Variants in HCN1 observed in about 807,000 individuals in gnomAD.
HCN1 encodes the protein hyperpolarization activated cyclic nucleotide gated potassium channel 1, also known as potassium/sodium hyperpolarization-activated cyclic nucleotide-gated channel 1.
HCN1 carries 13 observed loss-of-function variants against 78.9 expected under a neutral mutation model. That is an observed-to-expected ratio of 0.16 (90% CI 0.11 to 0.26). HCN1 has a LOEUF of 0.26. Ranked by LOEUF, HCN1 falls within the 10% of genes least tolerant of loss-of-function variation. HCN1 has a pLI of 1.00. For synonymous variants in HCN1, 552 were observed against 455.5 expected (o/e 1.21, Z -2.70); for missense variants, 810 against 1,154.3 (o/e 0.70, Z 4.32).
chr5:45,424,167 CCTGTAGTCCCAGCTACT>C (rs1740290808), intron 3 of HCN1, among the ~76,000 whole-genome samples: 3 of 150,472 alleles, frequency 2.0e-5, no homozygotes, highest in Non-Finnish European at 3.0e-5. Flanking sequence ...GTGGCGGGCA[CCTGTAGTCCCAGCTACT>C]CAGGAGGCTG....
intron 4 of HCN1, among the ~76,000 whole-genome samples, chr5:45,374,013 T>C (rs1390252576): frequency 8.8e-6 from 1 of 113,030 alleles, no homozygotes; most frequent in African/African-American, 3.7e-5. Flanking sequence ...ATATACATAA[T>C]ATATATTATA....
At chr5:45,466,893 C>G (rs1741281113) in intron 2 of HCN1, among the ~76,000 whole-genome samples, 1 of 152,002 alleles carries the variant, frequency 6.6e-6, no homozygotes, top group Non-Finnish European at 1.5e-5. Context: ...TGAATCTTAT[C>G]AGTCCCCTTT....
intron 1 of HCN1, among the ~76,000 whole-genome samples, chr5:45,653,675 A>C (rs1177421373): frequency 1.3e-5 from 2 of 152,108 alleles, no homozygotes; most frequent in Non-Finnish European, 2.9e-5. Context: ...AGCATTACAC[A>C]ATTCTAGTTA....
intron 4 of HCN1, among the ~76,000 whole-genome samples, chr5:45,379,574 C>A (rs772201582): frequency 6.6e-5 from 10 of 152,032 alleles, no homozygotes. Context: ...ACACAAGATA[C>A]TTCCTTATTT....
chr5:45,446,775 T>G (rs889197390), intron 3 of HCN1, among the ~76,000 whole-genome samples: 7 of 151,980 alleles, frequency 4.6e-5, no homozygotes, highest in Non-Finnish European at 7.4e-5. Context: ...GAATTTCATA[T>G]CCAGCCAAAC....
chr5:45,526,449 C>A (rs1287905986), intron 2 of HCN1, among the ~76,000 whole-genome samples: 1 of 152,024 alleles, frequency 6.6e-6, no homozygotes, highest in Non-Finnish European at 1.5e-5. Context: ...TCCTGATAAC[C>A]TGTCTAGTGC....
chr5:45,347,484 G>C (rs923827636), intron 5 of HCN1, among the ~76,000 whole-genome samples: 16 of 152,202 alleles, frequency 1.1e-4, no homozygotes, highest in African/African-American at 3.1e-4. Context: ...GAACGCAGTT[G>C]GTCACCAGCA....
chr5:45,686,863 C>T (rs182488153), intron 1 of HCN1, among the ~76,000 whole-genome samples: 86 of 152,274 alleles, frequency 5.6e-4, no homozygotes, highest in Non-Finnish European at 1.0e-3. Flanking sequence ...TTTTGGAGTA[C>T]TCCTGGGACT....
chr5:45,644,205 G>A (rs922672487), intron 2 of HCN1: 2 of 152,190 alleles, frequency 1.3e-5, no homozygotes, highest in Admixed American at 1.3e-4. Flanking sequence ...TCTGTAGGGA[G>A]GAAAGCAATA....
chr5:45,604,026 C>A (rs2111968302), intron 2 of HCN1, among the ~76,000 whole-genome samples: 1 of 152,060 alleles, frequency 6.6e-6, no homozygotes, highest in Middle Eastern at 3.4e-3. Context: ...GCCAATCAAA[C>A]CTTACAAGAA....
intron 3 of HCN1, among the ~76,000 whole-genome samples, chr5:45,435,015 C>A (rs1011160841): frequency 6.6e-6 from 1 of 151,772 alleles, no homozygotes; most frequent in Non-Finnish European, 1.5e-5. Context: ...TTGAAGAGGG[C>A]ACAAAGTCAA....
At chr5:45,434,121 T>A (rs1377321209) in intron 3 of HCN1, among the ~76,000 whole-genome samples, 1 of 152,214 alleles carries the variant, frequency 6.6e-6, no homozygotes, top group Non-Finnish European at 1.5e-5. Flanking sequence ...TTTTCACTTC[T>A]CCTCTAGGGA....
chr5:45,638,753 A>G (rs1466858474), intron 2 of HCN1, among the ~76,000 whole-genome samples: 1 of 152,082 alleles, frequency 6.6e-6, no homozygotes, highest in African/African-American at 2.4e-5. Flanking sequence ...AAATAGAAAA[A>G]TTAGCCAGGC....
At chr5:45,429,720 G>A (rs986589016) in intron 3 of HCN1, among the ~76,000 whole-genome samples, 6 of 152,132 alleles carry the variant, frequency 3.9e-5, no homozygotes, top group Admixed American at 3.9e-4. Flanking sequence ...AAGAGTGAGT[G>A]GCTGTGGTAG....
chr5:45,577,495 T>G (rs1234585735), intron 2 of HCN1, among the ~76,000 whole-genome samples: 1 of 152,072 alleles, frequency 6.6e-6, no homozygotes, highest in African/African-American at 2.4e-5. Flanking sequence ...TAAAACATAT[T>G]TTCATAGGAA....
At chr5:45,278,821 C>T (rs909023951) in intron 6 of HCN1, among the ~76,000 whole-genome samples, 4 of 152,060 alleles carry the variant, frequency 2.6e-5, no homozygotes, top group Admixed American at 1.3e-4. Flanking sequence ...TTTGAACAGA[C>T]GGGTTAGATC....
At chr5:45,427,799 T>C (rs1425494014) in intron 3 of HCN1, among the ~76,000 whole-genome samples, 2 of 152,124 alleles carry the variant, frequency 1.3e-5, no homozygotes, top group Admixed American at 6.6e-5. Context: ...TTTTATGTCA[T>C]GTAGCATAAG....
Position 45,255,259 on chromosome 5 carries a change from C to T in HCN1, c.*6662G>A, listed in dbSNP as rs1744584433. 4 of 152,170 alleles carry T rather than the reference C, an allele frequency of 2.6e-5. No individual in the cohort carries two copies. Among genetic ancestry groups the T allele is most frequent in the South Asian group, 2.1e-4 (1 of 4,824 alleles). 9.4% of individuals were successfully genotyped at this position (152,170 alleles called of 1,614,324 possible). Reference sequence around the variant, plus strand: ...TGCTTGTGTTTATTTAATGTTCTCTCGCTTTCCTTGTCTAGCCAAGATCCC... The same window carrying T: ...TGCTTGTGTTTATTTAATGTTCTCTTGCTTTCCTTGTCTAGCCAAGATCCC... On this transcript the variant is annotated 3_prime_UTR_variant, in exon 8 of 8. Coordinates refer to ENST00000303230, the MANE Select transcript of HCN1 (RefSeq NM_021072.4).
chr5:45,521,563 C>G (rs984540462), intron 2 of HCN1, among the ~76,000 whole-genome samples: 4 of 151,842 alleles, frequency 2.6e-5, no homozygotes, highest in Admixed American at 1.3e-4. Flanking sequence ...GTCTTTGTGT[C>G]CAAATCAAAT....
Sources: gnomAD v4.1 joint callset for allele counts (sites outside exome capture counted in the v4.1 genomes callset) on GRCh38, gnomAD v4.1.1 for gene constraint, MANE v1.5 for transcripts, NCBI Gene and HGNC (gene_info 2026-07-23, HGNC 2026-07-21) for gene names.